The following MECOM variants were observed in gnomAD, a reference collection of about 807,000 sequenced individuals.
The protein encoded by MECOM is histone-lysine N-methyltransferase MECOM.
In MECOM, 13 loss-of-function variants were observed where a neutral mutation model predicts 116.3. The ratio of observed to expected loss-of-function variants is 0.11; its 90% CI spans 0.07 to 0.18. The LOEUF is 0.18. Among genes scored for constraint, MECOM ranks in the 10% least tolerant of loss-of-function variants. The pLI is 1.00. For missense variants in MECOM, 1,299 were observed against 1,509.0 expected (o/e 0.86, Z 2.31); for synonymous variants, 528 against 535.2 (o/e 0.99, Z 0.19).
chr3:169,354,501 T>C (rs1203382528), intron 2 of MECOM, among the ~76,000 whole-genome samples: 1 of 151,974 alleles, frequency 6.6e-6, no homozygotes, highest in Non-Finnish European at 1.5e-5. Context: ...TTTTTCAAAA[T>C]TGGCAGTTTC....
At chr3:169,538,523 T>C (rs1055074639) in intron 1 of MECOM, among the ~76,000 whole-genome samples, 71 of 152,310 alleles carry the variant, frequency 4.7e-4, no homozygotes, top group African/African-American at 1.5e-3. Flanking sequence ...CTGTAATATT[T>C]AATATTTTTG....
At chr3:169,184,000 G>A (rs1252931352) in intron 2 of MECOM, among the ~76,000 whole-genome samples, 1 of 151,796 alleles carries the variant, frequency 6.6e-6, no homozygotes, top group East Asian at 1.9e-4. Flanking sequence ...GAATAGCTGG[G>A]ACTACAGGCA....
intron 2 of MECOM, among the ~76,000 whole-genome samples, chr3:169,194,521 T>C (rs1748153005): frequency 6.6e-6 from 1 of 152,048 alleles, no homozygotes; most frequent in South Asian, 2.1e-4. Context: ...TGTAAACATC[T>C]TAATAAATAA....
intron 1 of MECOM, among the ~76,000 whole-genome samples, chr3:169,532,695 C>T (rs762019082): frequency 1.3e-5 from 2 of 152,172 alleles, no homozygotes; most frequent in Non-Finnish European, 2.9e-5. Flanking sequence ...TAATCGAACA[C>T]CAAGTTGCCC....
chr3:169,284,126 C>G (rs1406301323), intron 2 of MECOM, among the ~76,000 whole-genome samples: 1 of 152,178 alleles, frequency 6.6e-6, no homozygotes, highest in African/African-American at 2.4e-5. Flanking sequence ...GAGTTCAGAG[C>G]TCTCCCATCA....
chr3:169,168,913 T>G (rs1027731612), intron 2 of MECOM, among the ~76,000 whole-genome samples: 4 of 151,752 alleles, frequency 2.6e-5, no homozygotes, highest in African/African-American at 9.7e-5. Flanking sequence ...ATCTATAAAA[T>G]GATAGAGAAA....
intron 1 of MECOM, among the ~76,000 whole-genome samples, chr3:169,624,650 A>G (rs190446172): frequency 6.6e-6 from 1 of 152,196 alleles, no homozygotes; most frequent in African/African-American, 2.4e-5. Context: ...CACTCAACCT[A>G]ATGAGACAGC....
intron 1 of MECOM, among the ~76,000 whole-genome samples, chr3:169,470,547 G>A (rs1223125529): frequency 6.6e-6 from 1 of 152,154 alleles, no homozygotes; most frequent in Non-Finnish European, 1.5e-5. Context: ...CATGAAAGCA[G>A]GAATCATGGG....
chr3:169,397,866 A>C (rs2108375357), intron 1 of MECOM, among the ~76,000 whole-genome samples: 1 of 152,298 alleles, frequency 6.6e-6, no homozygotes, highest in Middle Eastern at 3.4e-3. Flanking sequence ...GCCTCTAGAC[A>C]TTTTATGAAT....
At chr3:169,146,908 TC>T (rs1740105365) in intron 2 of MECOM, 2 of 1,030,092 alleles carry the variant, frequency 1.9e-6, no homozygotes, top group African/African-American at 3.4e-5. Context: ...CGTCTCGATT[TC>T]CAAATGGGTC....
chr3:169,614,880 A>T (rs563733264), intron 1 of MECOM: 2 of 152,304 alleles, frequency 1.3e-5, no homozygotes, highest in Admixed American at 1.3e-4. Flanking sequence ...CTTCGGGAAG[A>T]CAGCACAGCA....
chr3:169,233,219 G>A (rs1324835095), intron 2 of MECOM, among the ~76,000 whole-genome samples: 1 of 152,062 alleles, frequency 6.6e-6, no homozygotes, highest in African/African-American at 2.4e-5. Flanking sequence ...CCCAAACATG[G>A]TGCTGTACCA....
At chr3:169,436,392 G>A (rs542774097) in intron 1 of MECOM, among the ~76,000 whole-genome samples, 2 of 151,806 alleles carry the variant, frequency 1.3e-5, no homozygotes, top group African/African-American at 4.8e-5. Flanking sequence ...TTAGTATTAC[G>A]GGCATGCGCC....
rs1560061085 is a variant in MECOM at position 169,263,120 on chromosome 3, T to C, written c.375+118067A>G. Among the ~76,000 whole-genome samples, 43 of 88,218 alleles carry C rather than the reference T, an allele frequency of 4.9e-4. 1 individual carries two copies. Among genetic ancestry groups the C allele is most frequent in the African/African-American group, 2.0e-3 (37 of 18,402 alleles). The allele number at this position is 88,218 out of a possible 152,430, so 57.9% of individuals were successfully genotyped here. On this transcript the variant is annotated intron_variant, in intron 2 of 16. Coordinates refer to ENST00000651503, the MANE Select transcript of MECOM (RefSeq NM_004991.4). ...ATATATATATATATATATATATATA[T>C]ATATATATGTTTTTTTTTTTTTTTT...
chr3:169,416,952 T>C (rs1184818390), intron 1 of MECOM, among the ~76,000 whole-genome samples: 1 of 152,118 alleles, frequency 6.6e-6, no homozygotes, highest in Non-Finnish European at 1.5e-5. Flanking sequence ...ATACAAAAAT[T>C]AATTCAAGAA....
intron 2 of MECOM, among the ~76,000 whole-genome samples, chr3:169,198,686 C>T (rs1438447636): frequency 6.6e-6 from 1 of 151,870 alleles, no homozygotes; most frequent in Non-Finnish European, 1.5e-5. Flanking sequence ...ACCACTCTTC[C>T]CCATAAAATT....
rs555701066 is a variant in MECOM, at chr3:169,499,962, G to A, written c.38-118438C>T. ...TAGCCCTCACTATCTATCTCCAGAA[G>A]AGATAAAAACATCCTGTTAAAACTA... On this transcript the variant is annotated intron_variant, in intron 1 of 16. Coordinates refer to ENST00000651503, the MANE Select transcript of MECOM (RefSeq NM_004991.4). Among the ~76,000 whole-genome samples, 7 of 152,176 alleles carry A rather than the reference G, an allele frequency of 4.6e-5. No homozygotes were observed. The South Asian group carries it at 1.5e-3, about 32-fold the overall frequency.
At chr3:169,327,524 G>T (rs1192425247) in intron 2 of MECOM, among the ~76,000 whole-genome samples, 5 of 151,382 alleles carry the variant, frequency 3.3e-5, no homozygotes, top group African/African-American at 1.2e-4. Context: ...TGTAGTCTCA[G>T]TCACTCGGGA....
At chr3:169,339,492 C>T (rs1724118362) in intron 2 of MECOM, among the ~76,000 whole-genome samples, 2 of 152,186 alleles carry the variant, frequency 1.3e-5, no homozygotes, top group Admixed American at 6.5e-5. Flanking sequence ...ATGGAAATAA[C>T]CACCTTACCT....
Sources: gnomAD v4.1 joint callset for allele counts (sites outside exome capture counted in the v4.1 genomes callset) on GRCh38, gnomAD v4.1.1 for gene constraint, MANE v1.5 for transcripts, NCBI Gene and HGNC (gene_info 2026-07-23, HGNC 2026-07-21) for gene names.